DAPK2: variants seen among roughly 807,000 people sequenced by gnomAD.
The protein encoded by DAPK2 is death-associated protein kinase 2.
A neutral mutation model predicts 44.1 loss-of-function variants in DAPK2; 35 were observed. The ratio of observed to expected loss-of-function variants is 0.79; its 90% CI spans 0.61 to 1.05. DAPK2 has a LOEUF of 1.05. DAPK2 is among the 50% of genes least tolerant of loss of function. The probability of loss-of-function intolerance (pLI) is 0.00; values close to 1 mark genes in which losing one functional copy is unlikely to be tolerated. For synonymous variants in DAPK2, 174 were observed against 182.6 expected (o/e 0.95, Z 0.38); for missense variants, 453 against 483.2 (o/e 0.94, Z 0.59).
chr15:63,949,819 T>G (rs1021800177), intron 3 of DAPK2, among the ~76,000 whole-genome samples: 21 of 152,210 alleles, frequency 1.4e-4, no homozygotes, highest in Admixed American at 3.9e-4. Flanking sequence ...CTTTCAGCCT[T>G]GGGTCCCTCA....
At chr15:63,926,336 G>A (rs1031316082) in intron 6 of DAPK2, 6 of 416,286 alleles carry the variant, frequency 1.4e-5, no homozygotes, top group South Asian at 6.9e-5. Flanking sequence ...ACTCAAAAGC[G>A]GAGGGGAGAG....
At chr15:64,016,851 GGAAGGAA>G (rs2079543874) in intron 1 of DAPK2, among the ~76,000 whole-genome samples, 2 of 47,210 alleles carry the variant, frequency 4.2e-5, no homozygotes, top group African/African-American at 1.4e-4. Context: ...AAGGAAGGAA[GGAAGGAA>G]GGAAGGAAGG....
chr15:64,025,569 T>C (rs767147985), intron 1 of DAPK2, among the ~76,000 whole-genome samples: 33 of 152,190 alleles, frequency 2.2e-4, no homozygotes, highest in Non-Finnish European at 2.6e-4. Flanking sequence ...CCATCATAAA[T>C]TACTTTTACA....
At chr15:63,921,441 C>T (rs2079069215) in intron 8 of DAPK2, 2 of 152,224 alleles carry the variant, frequency 1.3e-5, no homozygotes, top group Admixed American at 6.5e-5. Context: ...GCCATGAAGA[C>T]ACTTTGAACT....
intron 3 of DAPK2, among the ~76,000 whole-genome samples, chr15:63,962,193 C>G (rs138411419): frequency 6.6e-6 from 1 of 152,326 alleles, no homozygotes; most frequent in East Asian, 1.9e-4. Flanking sequence ...TCAGCTCCAT[C>G]AGGTCATTTA....
Position 63,974,209 on chromosome 15 carries a change from G to A in DAPK2, c.315-2648C>T, listed in dbSNP as rs575618727. 1.1e-3 allele frequency among the ~76,000 whole-genome samples: 166 copies of A among 152,056 alleles called. 1 individual carries two copies. Among genetic ancestry groups the A allele is most frequent in the African/African-American group, 3.8e-3 (157 of 41,470 alleles). On this transcript the variant is annotated intron_variant, in intron 2 of 10. Transcript: ENST00000261891. Reference sequence around the variant, plus strand: ...TTGCTAAATCTGGCAACCCTACTTGGGCTTATTTATCCTGTCAACAAAAAG... The same window carrying A: ...TTGCTAAATCTGGCAACCCTACTTGAGCTTATTTATCCTGTCAACAAAAAG...
chr15:64,031,233 T>A (rs2080005403), intron 1 of DAPK2, among the ~76,000 whole-genome samples: 1 of 151,492 alleles, frequency 6.6e-6, no homozygotes, highest in Non-Finnish European at 1.5e-5. Context: ...GAGGGCAGAT[T>A]TTCTTTTTTT....
intron 5 of DAPK2, chr15:63,929,852 C>G (rs1288227270): frequency 3.3e-6 from 2 of 609,528 alleles, no homozygotes; most frequent in Non-Finnish European, 6.2e-6. Context: ...AGTCCCTTAC[C>G]ACCTCGGAGC....
intron 2 of DAPK2, among the ~76,000 whole-genome samples, chr15:63,975,900 G>T (rs1237220597): frequency 6.6e-6 from 1 of 152,300 alleles, no homozygotes; most frequent in East Asian, 1.9e-4. Flanking sequence ...GGCTCCAGAT[G>T]ATTCTTATAT....
At chr15:64,029,104 T>C (rs74021242) in intron 1 of DAPK2, among the ~76,000 whole-genome samples, 3,967 of 152,030 alleles carry the variant, frequency 0.026, 183 homozygotes, top group African/African-American at 0.092. Context: ...TACAGGCCCA[T>C]GGTGGTTTCC....
chr15:64,027,216 T>C (rs1595908819), intron 1 of DAPK2, among the ~76,000 whole-genome samples: 1 of 152,080 alleles, frequency 6.6e-6, no homozygotes, highest in African/African-American at 2.4e-5. Flanking sequence ...ACCCTGTCTC[T>C]ACTAAAAATA....
chr15:63,961,702 G>A (rs1267481436), intron 3 of DAPK2, among the ~76,000 whole-genome samples: 1 of 152,156 alleles, frequency 6.6e-6, no homozygotes, highest in Non-Finnish European at 1.5e-5. Flanking sequence ...GGTTTCTGCC[G>A]AGAGATCTGC....
At chr15:64,022,519 T>G (rs2079715438) in intron 1 of DAPK2, among the ~76,000 whole-genome samples, 1 of 152,178 alleles carries the variant, frequency 6.6e-6, no homozygotes, top group African/African-American at 2.4e-5. Context: ...TAAATGATCC[T>G]AAAGAGTTCA....
At chr15:63,960,865 GA>G (rs1300260910) in intron 3 of DAPK2, among the ~76,000 whole-genome samples, 6 of 151,030 alleles carry the variant, frequency 4.0e-5, no homozygotes, top group Admixed American at 2.6e-4. Context: ...TATTAGGTCT[GA>G]TTGGTGCAGA....
chr15:63,945,525 G>A (rs2077426878), intron 3 of DAPK2, among the ~76,000 whole-genome samples: 1 of 152,174 alleles, frequency 6.6e-6, no homozygotes, highest in Non-Finnish European at 1.5e-5. Flanking sequence ...CACTAAGGGA[G>A]GGTCCAAAAG....
intron 1 of DAPK2, among the ~76,000 whole-genome samples, chr15:63,984,149 G>A (rs767548609): frequency 6.6e-5 from 10 of 152,214 alleles, no homozygotes; most frequent in Admixed American, 1.3e-4. Flanking sequence ...TTTGGGTAGA[G>A]TTTGGAGAGG....
In DAPK2 at chr15:63,916,646, G is replaced by T. The variant is rs2078936631; in HGVS notation, c.859-4449C>A. 1.3e-5 allele frequency: 2 copies of T among 152,270 alleles called. No individual in the cohort carries two copies. Among genetic ancestry groups the T allele is most frequent in the South Asian group, 4.1e-4 (2 of 4,836 alleles). 9.4% of individuals were successfully genotyped at this position (152,270 alleles called of 1,614,324 possible). A position where few individuals can be genotyped will look rare whatever the true frequency, so the allele number is the denominator to read the frequency against. ...GGCTCTGCCTCCTCCTAAGTGGGAGGGACAGCTGCAGAAAGGCTGTGAGCC... is the reference window on the plus strand; with the variant it reads ...GGCTCTGCCTCCTCCTAAGTGGGAGTGACAGCTGCAGAAAGGCTGTGAGCC... On this transcript the variant is annotated intron_variant, in intron 8 of 10. Transcript: ENST00000261891. The surrounding 1 kb of genome is among the most constrained non-coding windows in gnomAD (Gnocchi z 4.7).
chr15:63,920,167 G>A (rs2079033114), intron 8 of DAPK2: 1 of 152,236 alleles, frequency 6.6e-6, no homozygotes, highest in Non-Finnish European at 1.5e-5. Flanking sequence ...GGATAGTACT[G>A]TTTTTGCCAG....
intron 3 of DAPK2, among the ~76,000 whole-genome samples, chr15:63,945,565 C>T (rs1054518377): frequency 1.3e-5 from 2 of 152,076 alleles, no homozygotes; most frequent in Non-Finnish European, 2.9e-5. Context: ...GTGGCAGTTC[C>T]CCAGGAATTT....
Sources: allele counts gnomAD v4.1 joint callset (sites outside exome capture counted in the v4.1 genomes callset), GRCh38; gene constraint gnomAD v4.1.1; non-coding constraint Gnocchi (gnomAD v3.1); transcripts MANE v1.5; gene names NCBI Gene and HGNC (gene_info 2026-07-23, HGNC 2026-07-21).